Variants in KLK14 observed in about 807,000 individuals in gnomAD.
The protein encoded by KLK14 is kallikrein-14.
KLK14 carries 21 observed loss-of-function variants against 24.6 expected under a neutral mutation model. The observed-to-expected ratio is 0.85, with a 90% CI of 0.61 to 1.23. The LOEUF (loss-of-function observed/expected upper bound fraction) is 1.23. KLK14 is among the 50% of genes most tolerant of loss of function. The pLI is 0.00. For synonymous variants in KLK14, 133 were observed against 139.7 expected, an observed-to-expected ratio of 0.95 and a Z score of 0.34; for missense variants, 320 against 338.9, an observed-to-expected ratio of 0.94 and a Z score of 0.44.
upstream of KLK14, chr19:51,082,999 T>G: frequency 3.5e-6 from 2 of 565,952 alleles, no homozygotes; most frequent in Non-Finnish European, 3.1e-6. Context: ...CTAGTTCCCA[T>G]TCCAGGACTC....
intron 2 of KLK14, among the ~76,000 whole-genome samples, chr19:51,082,212 C>A (rs2091844304): frequency 6.6e-6 from 1 of 151,384 alleles, no homozygotes; most frequent in African/African-American, 2.5e-5. Context: ...ATCCCATCAT[C>A]CTTCTCCACC....
At chr19:51,080,698 A>G (rs2091834265) in intron 3 of KLK14, among the ~76,000 whole-genome samples, 1 of 151,822 alleles carries the variant, frequency 6.6e-6, no homozygotes, top group African/African-American at 2.4e-5. Context: ...ATTGATATGG[A>G]GTTTCGCTCT....
chr19:51,083,108 C>T (rs1343228508), upstream of KLK14, among the ~76,000 whole-genome samples: 6 of 151,654 alleles, frequency 4.0e-5, no homozygotes, highest in Non-Finnish European at 8.8e-5. Flanking sequence ...AGAAGGAATC[C>T]TGGGAGGGGA....
chr19:51,078,267 G>C lies in KLK14; in HGVS notation c.604-108C>G. On this transcript the variant is annotated intron_variant, in intron 5 of 5. Transcript: ENST00000650543. This position sits in a 1 kb window ranked among gnomAD's most constrained non-coding sequence, Gnocchi z 5.0. The stretch of plus-strand genomic sequence containing the variant: ...CAGGGAGACAGGCAGAGACACTGGT[G>C]GACAGTTAGGGACACAGTCCTGCCC... 1.7e-6 allele frequency: 2 copies of C among 1,154,178 alleles called. No homozygotes were observed. The highest frequency in any genetic ancestry group is 2.4e-6 in the Non-Finnish European group (2 of 818,284). The allele number at this position is 1,154,178 out of a possible 1,614,324, so 71.5% of individuals were successfully genotyped here.
chr19:51,083,415 A>C (rs991632957), upstream of KLK14, among the ~76,000 whole-genome samples: 1 of 150,752 alleles, frequency 6.6e-6, no homozygotes, highest in Non-Finnish European at 1.5e-5. Context: ...AGAGAGAGAC[A>C]GAGAGAGAGC....
At chr19:51,080,864 G>C (rs531560226) in intron 3 of KLK14, among the ~76,000 whole-genome samples, 1 of 152,208 alleles carries the variant, frequency 6.6e-6, no homozygotes, top group East Asian at 1.9e-4. Flanking sequence ...GTAGAGACAG[G>C]GTTTCTCTAT....
chr19:51,079,701 T>C lies in KLK14; in HGVS notation c.214A>G (p.Ile72Val), dbSNP rs1371012439. 1 of 1,553,070 alleles carries C rather than the reference T, an allele frequency of 6.4e-7. No homozygotes were observed. The highest frequency in any genetic ancestry group is 1.9e-5 in the Admixed American group (1 of 51,504). Reference protein sequence around the residue: ...VITAAHCGRPILQVALGKHNL... With the variant: ...VITAAHCGRPVLQVALGKHNL... The stretch of plus-strand genomic sequence containing the variant: ...TGCTTGCCCAGGGCAACCTGAAGGA[T>C]CCTGGCCACGACCCCCAAGAGAAGC... Residue 72 changes from isoleucine (I) to valine (V), a missense_variant and splice_region_variant, in exon 4 of 6, where the codon ATC becomes GTC. Physicochemically the swap from Ile to Val is conservative, Grantham distance 29 (BLOSUM62 3). Coordinates refer to ENST00000650543, the MANE Select transcript of KLK14 (RefSeq NM_001369775.2).
rs771734939 is a variant in KLK14 at position 51,078,838 on chromosome 19, G to A, written c.580C>T (p.Gln194Ter). The A allele has an allele frequency of 2.5e-6, 4 of 1,613,870 alleles. No homozygotes were observed. Among genetic ancestry groups the A allele is most frequent in the Non-Finnish European group, 3.4e-6 (4 of 1,179,822 alleles). ...TPGMVCAGVP[Q>*]GGKDSCQGDS... ...ACCTGACAAGAGTCCTTCCCGCCCT[G>A]GGGAACTCCTGCACAGACCATGCCA... Residue 194 changes from glutamine to a stop codon, truncating the protein, a stop_gained, in exon 5 of 6, where the codon CAG becomes TAG. Transcript: ENST00000650543. LOFTEE classifies it low-confidence loss of function (END_TRUNC). This position sits in a 1 kb window ranked among gnomAD's most constrained non-coding sequence, Gnocchi z 5.0.
At chr19:51,080,645 GC>G (rs1417284016) in intron 3 of KLK14, among the ~76,000 whole-genome samples, 1 of 152,136 alleles carries the variant, frequency 6.6e-6, no homozygotes, top group Non-Finnish European at 1.5e-5. Context: ...TTTATATGGG[GC>G]TTCTGATTAG....
chr19:51,079,428 C>G (rs567436039), intron 4 of KLK14, 21 bp downstream of exon 4: 2 of 1,591,386 alleles, frequency 1.3e-6, no homozygotes, highest in South Asian at 2.2e-5. Context: ...CCCCTGCTTT[C>G]CAAGACGCAG....
chr19:51,083,898 C>A (rs147023801), upstream of KLK14, among the ~76,000 whole-genome samples: 48 of 152,120 alleles, frequency 3.2e-4, no homozygotes, highest in African/African-American at 1.1e-3. Context: ...GAAGGCAGTG[C>A]GGGCATGAGA....
In KLK14 at chr19:51,079,493, G is replaced by T. The variant is rs540565722; in HGVS notation, c.422C>A (p.Thr141Asn). The T allele has an allele frequency of 6.2e-7, 1 of 1,613,660 alleles. No individual in the cohort carries two copies. Among genetic ancestry groups the T allele is most frequent in the South Asian group, 1.1e-5 (1 of 91,070 alleles). ...EVTQACASPG[T>N]SCRVSGWGTI... ...TCCCCAGCCTGACACTCGGCAGGAGGTCCCGGGGCTGGCACAGGCCTGGGT... is the reference window on the plus strand; with the variant it reads ...TCCCCAGCCTGACACTCGGCAGGAGTTCCCGGGGCTGGCACAGGCCTGGGT... The change falls in exon 4 of 6, where the codon ACC (threonine) becomes AAC (asparagine). Residue 141 changes from threonine (T) to asparagine (N), a missense_variant. Transcript: ENST00000650543.
chr19:51,081,545 G>T lies in KLK14; in HGVS notation c.199C>A (p.His67Asn). ...LSGQWVITAA[H>N]CGRPILQVAL... ...GGGGTCACTTACGGGCGGCCGCAGT[G>T]AGCAGCAGTGATGACCCACTGGCCT... Residue 67 changes from histidine (H) to asparagine (N), a missense_variant, in exon 3 of 6, where the codon CAC (histidine) becomes AAC (asparagine). Coordinates refer to ENST00000650543, the MANE Select transcript of KLK14 (RefSeq NM_001369775.2). The T allele has an allele frequency of 6.5e-7, 1 of 1,532,584 alleles. No homozygotes were observed. Among genetic ancestry groups the T allele is most frequent in the South Asian group, 1.2e-5 (1 of 81,932 alleles). The allele number at this position is 1,532,584 out of a possible 1,614,324, so 94.9% of individuals were successfully genotyped here. A position where few individuals can be genotyped will look rare whatever the true frequency, so the allele number is the denominator to read the frequency against.
intron 3 of KLK14, among the ~76,000 whole-genome samples, chr19:51,080,264 C>T (rs563117121): frequency 8.5e-5 from 13 of 152,238 alleles, no homozygotes; most frequent in Admixed American, 3.9e-4. Flanking sequence ...CGACCTCCAA[C>T]TCCCAGTTCA....
At position 51,079,635 on chromosome 19, in the gene KLK14, C is replaced by T. The variant is rs767050221; in HGVS notation, c.280G>A (p.Val94Met). The T allele has an allele frequency of 8.0e-5, 128 of 1,608,038 alleles. No individual in the cohort carries two copies. Among genetic ancestry groups the T allele is most frequent in the Middle Eastern group, 1.6e-4 (1 of 6,076 alleles). ...RWEATQQVLR[V>M]VRQVTHPNYN... is the part of the protein sequence containing the mutation. ...TTGGGGTGCGTCACCTGACGAACCA[C>T]GCGCAGCACCTGCTGGGTGGCCTCC... Residue 94 changes from valine (V) to methionine (M), a missense_variant, in exon 4 of 6, where the codon GTG becomes ATG. Transcript: ENST00000650543.
chr19:51,083,076 C>T (rs2091850669), upstream of KLK14, among the ~76,000 whole-genome samples: 1 of 151,842 alleles, frequency 6.6e-6, no homozygotes, highest in Non-Finnish European at 1.5e-5. Context: ...TGAGAACCCG[C>T]CCAGGGAAGA....
In KLK14 at chr19:51,078,803, C is replaced by G. The variant is rs1226397485; in HGVS notation, c.603+12G>C. 2 of 1,612,948 alleles carry G rather than the reference C, an allele frequency of 1.2e-6. No homozygotes were observed. Among genetic ancestry groups the G allele is most frequent in the Non-Finnish European group, 1.7e-6 (2 of 1,179,374 alleles). On this transcript the variant is annotated intron_variant, in intron 5 of 5. Transcript: ENST00000650543. This position sits in a 1 kb window ranked among gnomAD's most constrained non-coding sequence, Gnocchi z 5.0. ...AAATAATCCCTACCACAGCTCCCAT[C>G]CTGGGCCTTACCTGACAAGAGTCCT...
At chr19:51,082,203 T>TC (rs959289404) in intron 2 of KLK14, among the ~76,000 whole-genome samples, 20 of 150,578 alleles carry the variant, frequency 1.3e-4, no homozygotes, top group Admixed American at 6.6e-5. Flanking sequence ...GATCCCGCCA[T>TC]CCCATCATCC....
At position 51,079,667 on chromosome 19, in the gene KLK14, C is replaced by A; in HGVS notation, c.248G>T (p.Arg83Met). Residue 83 changes from arginine to methionine, a missense_variant, in exon 4 of 6, where the codon AGG (arginine) becomes ATG (methionine). Arg to Met is a moderately conservative substitution (Grantham distance 91, BLOSUM62 -1). Coordinates refer to ENST00000650543, the MANE Select transcript of KLK14 (RefSeq NM_001369775.2). ...CACCTGCTGGGTGGCCTCCCACCTC[C>A]TCAGGTTGTGCTTGCCCAGGGCAAC... ...LQVALGKHNL[R>M]RWEATQQVLR... The A allele has an allele frequency of 6.3e-7, 1 of 1,581,816 alleles. No homozygotes were observed.
Sources: gnomAD v4.1 joint callset for allele counts (sites outside exome capture counted in the v4.1 genomes callset) on GRCh38, gnomAD v4.1.1 for gene constraint, Gnocchi (gnomAD v3.1) non-coding constraint, MANE v1.5 for transcripts, NCBI Gene and HGNC (gene_info 2026-07-23, HGNC 2026-07-21) for gene names.